Variants in ZFHX4 observed in about 807,000 individuals in gnomAD.
ZFHX4 encodes zinc finger homeobox protein 4.
Under a neutral mutation model 267.6 loss-of-function variants are expected in ZFHX4, and 56 were observed. That is an observed-to-expected ratio of 0.21 (90% confidence interval 0.17 to 0.26). ZFHX4 has a LOEUF of 0.26. ZFHX4 is among the 10% of genes least tolerant of loss of function. ZFHX4 has a pLI of 1.00. For missense variants in ZFHX4, 4,332 were observed against 4,420.0 expected, an observed-to-expected ratio of 0.98 and a Z score of 0.56; for synonymous variants, 1,778 against 1,665.6, an observed-to-expected ratio of 1.07 and a Z score of -1.64.
chr8:76,798,375 A>C (rs1227561268), intron 4 of ZFHX4, among the ~76,000 whole-genome samples: 1 of 152,170 alleles, frequency 6.6e-6, no homozygotes, highest in East Asian at 1.9e-4. Context: ...AATGTATGTA[A>C]ATTAAAAACT....
Position 76,706,210 on chromosome 8 carries a change from A to G in ZFHX4, c.2122A>G (p.Thr708Ala). 6.2e-7 allele frequency: 1 copy of G among 1,613,986 alleles called. No individual in the cohort carries two copies. The highest frequency in any genetic ancestry group is 1.1e-5 in the South Asian group (1 of 91,054). Reference sequence around the variant, plus strand: ...CCGTTGTGAGGTTTGTAACTACTCTACCACTACCAAAGGCAACCTCAGTAT... The same window carrying G: ...CCGTTGTGAGGTTTGTAACTACTCTGCCACTACCAAAGGCAACCTCAGTAT... Reference protein sequence around the residue: ...PFRCEVCNYSTTTKGNLSIHM... With the variant: ...PFRCEVCNYSATTKGNLSIHM... The change falls in exon 2 of 11, where the codon ACC (threonine) becomes GCC (alanine). Residue 708 changes from threonine (T) to alanine (A), a missense_variant. Thr to Ala is a moderately conservative substitution (Grantham distance 58). Transcript: ENST00000651372.
In ZFHX4 at chr8:76,855,330, T is replaced by G; in HGVS notation, c.8409T>G (p.Thr2803=). The change falls in exon 10 of 11, where the codon ACT becomes ACG. Residue 2803 remains threonine (T), a synonymous_variant. Coordinates refer to ENST00000651372, the MANE Select transcript of ZFHX4 (RefSeq NM_024721.5). ...YDQNKTDFDE[T]SSINTAISDA... is the part of the protein sequence containing the mutation. ...AAAATAAAACCGATTTTGATGAGAC[T>G]TCATCGATTAATACGGCAATCAGTG... The G allele has an allele frequency of 6.2e-7, 1 of 1,613,702 alleles. No homozygotes were observed. Among genetic ancestry groups the G allele is most frequent in the Non-Finnish European group, 8.5e-7 (1 of 1,179,830 alleles).
At chr8:76,689,068 T>A (rs1807762018) in intron 1 of ZFHX4, among the ~76,000 whole-genome samples, 1 of 152,088 alleles carries the variant, frequency 6.6e-6, no homozygotes, top group African/African-American at 2.4e-5. Flanking sequence ...GGAGTCCTTT[T>A]TAAAATTTGT....
chr8:76,713,781 G>A (rs1039395306), intron 3 of ZFHX4, among the ~76,000 whole-genome samples: 1 of 152,108 alleles, frequency 6.6e-6, no homozygotes, highest in Non-Finnish European at 1.5e-5. Context: ...GGAACTGCCT[G>A]ATCTGGAGGA....
chr8:76,856,221 A>G lies in ZFHX4; in HGVS notation c.9300A>G (p.Gly3100=). ...HGISLPTAYP[G]LPGLPPVLLP... Reference sequence around the variant, plus strand: ...TCAGCCTGCCAACAGCCTACCCCGGACTCCCCGGCCTTCCTCCAGTCCTTC... The same window carrying G: ...TCAGCCTGCCAACAGCCTACCCCGGGCTCCCCGGCCTTCCTCCAGTCCTTC... The change falls in exon 10 of 11, where the codon GGA becomes GGG. Residue 3100 remains glycine, a synonymous_variant. Transcript: ENST00000651372. The G allele has an allele frequency of 6.2e-7, 1 of 1,613,660 alleles. No individual in the cohort carries two copies. The highest frequency in any genetic ancestry group is 8.5e-7 in the Non-Finnish European group (1 of 1,179,830).
intron 8 of ZFHX4, 81 bp downstream of exon 8, chr8:76,849,793 T>C: frequency 7.2e-7 from 1 of 1,381,022 alleles, no homozygotes; most frequent in Non-Finnish European, 1.0e-6. Flanking sequence ...TATTGGTTTA[T>C]GGAAATGTAT....
At chr8:76,861,893 T>C (rs541293803) in intron 10 of ZFHX4, among the ~76,000 whole-genome samples, 1 of 152,124 alleles carries the variant, frequency 6.6e-6, no homozygotes, top group African/African-American at 2.4e-5. Context: ...TTAAACTTTA[T>C]TCACCTTCTC....
At chr8:76,779,912 C>A (rs889903046) in intron 4 of ZFHX4, among the ~76,000 whole-genome samples, 1 of 152,054 alleles carries the variant, frequency 6.6e-6, no homozygotes, top group African/African-American at 2.4e-5. Flanking sequence ...AGCATAAAAA[C>A]CTTGGTCTTA....
intron 4 of ZFHX4, among the ~76,000 whole-genome samples, chr8:76,820,482 GTGA>G (rs1363942376): frequency 6.6e-6 from 1 of 152,116 alleles, no homozygotes; most frequent in Non-Finnish European, 1.5e-5. Flanking sequence ...TTTTACACTA[GTGA>G]TGATTATGAC....
At position 76,849,572 on chromosome 8, in the gene ZFHX4, G is replaced by T; in HGVS notation, c.3706G>T (p.Val1236Phe). 6.2e-7 allele frequency: 1 copy of T among 1,613,920 alleles called. No homozygotes were observed. The highest frequency in any genetic ancestry group is 8.5e-7 in the Non-Finnish European group (1 of 1,179,858). Residue 1236 changes from valine (V) to phenylalanine (F), a missense_variant, in exon 8 of 11, where the codon GTC becomes TTC. Around this residue, in one of 7 missense-constraint regions of ZFHX4, gnomAD observed 1,371 missense variants for 1,423.1 expected, o/e 0.96. Transcript: ENST00000651372. ...GGACCAAAGTCGTATCCAGATGCAC[G>T]TCCTATCACAGCACTCGGTGCAGCC... The part of the protein sequence containing the change: ...SRDQSRIQMH[V>F]LSQHSVQPVI...
At chr8:76,717,623 G>A (rs569389473) in intron 3 of ZFHX4, among the ~76,000 whole-genome samples, 2 of 152,136 alleles carry the variant, frequency 1.3e-5, no homozygotes, top group African/African-American at 4.8e-5. Flanking sequence ...TTGAGATAGG[G>A]TCTTGCTCTG....
chr8:76,772,934 C>T (rs1810305546), intron 3 of ZFHX4, among the ~76,000 whole-genome samples: 1 of 152,088 alleles, frequency 6.6e-6, no homozygotes, highest in Non-Finnish European at 1.5e-5. Flanking sequence ...AAAGTGGTAC[C>T]CAGAGGTGCC....
chr8:76,838,544 G>A (rs1438350695), intron 5 of ZFHX4, among the ~76,000 whole-genome samples: 3 of 152,102 alleles, frequency 2.0e-5, no homozygotes, highest in Non-Finnish European at 2.9e-5. Context: ...TTTGAGTGGG[G>A]CATGATTGGG....
intron 4 of ZFHX4, among the ~76,000 whole-genome samples, chr8:76,788,836 T>G (rs948786556): frequency 3.3e-5 from 5 of 152,244 alleles, no homozygotes; most frequent in Non-Finnish European, 5.9e-5. Context: ...TGGGCCATAC[T>G]AAGTAAATTG....
At chr8:76,724,823 C>T (rs1808810811) in intron 3 of ZFHX4, among the ~76,000 whole-genome samples, 1 of 152,118 alleles carries the variant, frequency 6.6e-6, no homozygotes, top group Admixed American at 6.6e-5. Context: ...GGAGAGCCAA[C>T]TTCCACAGGC....
At chr8:76,801,494 A>G (rs1420161145) in intron 4 of ZFHX4, among the ~76,000 whole-genome samples, 1 of 152,142 alleles carries the variant, frequency 6.6e-6, no homozygotes, top group African/African-American at 2.4e-5. Context: ...TCAGTTTATG[A>G]CATCTAATAA....
In ZFHX4 at chr8:76,852,635, G is replaced by C; in HGVS notation, c.5714G>C (p.Arg1905Thr). Residue 1905 changes from arginine to threonine, a missense_variant, in exon 10 of 11, where the codon AGA becomes ACA. Arg to Thr is a moderately conservative substitution (Grantham distance 71, BLOSUM62 -1). Around this residue, in one of 7 missense-constraint regions of ZFHX4, gnomAD observed 1,371 missense variants for 1,423.1 expected, o/e 0.96. Transcript: ENST00000651372. ...IPPPRIASGA[R>T]GNAAKALLEN... Reference sequence around the variant, plus strand: ...CCACCCCGAATAGCTTCAGGGGCCAGAGGAAATGCTGCCAAAGCGTTATTG... The same window carrying C: ...CCACCCCGAATAGCTTCAGGGGCCACAGGAAATGCTGCCAAAGCGTTATTG... 7 of 1,613,250 alleles carry C rather than the reference G, an allele frequency of 4.3e-6. No individual in the cohort carries two copies. Among genetic ancestry groups the C allele is most frequent in the Non-Finnish European group, 5.9e-6 (7 of 1,179,492 alleles).
In ZFHX4 at chr8:76,751,717, A is replaced by G. The variant is rs183102519; in HGVS notation, c.3094-26491A>G. On this transcript the variant is annotated intron_variant, in intron 3 of 10. Coordinates refer to ENST00000651372, the MANE Select transcript of ZFHX4 (RefSeq NM_024721.5). ...GCCAGAAATTCATGTTTTTATTTGTAATATGATCTCACTCTCTACATACAT... is the reference window on the plus strand; with the variant it reads ...GCCAGAAATTCATGTTTTTATTTGTGATATGATCTCACTCTCTACATACAT... 2.6e-4 allele frequency among the ~76,000 whole-genome samples: 40 copies of G among 152,310 alleles called. No individual in the cohort carries two copies. In the East Asian group the frequency reaches 7.3e-3, roughly 28 times the overall value.
chr8:76,825,725 C>T (rs935591046), intron 4 of ZFHX4, among the ~76,000 whole-genome samples: 95 of 151,958 alleles, frequency 6.3e-4, no homozygotes, highest in African/African-American at 2.0e-3. Context: ...TAACTCATTG[C>T]GATGAAAATA....
Sources: allele counts gnomAD v4.1 joint callset (sites outside exome capture counted in the v4.1 genomes callset), GRCh38; gene constraint gnomAD v4.1.1; regional missense constraint gnomAD v4.1.1; transcripts MANE v1.5; gene names NCBI Gene and HGNC (gene_info 2026-07-23, HGNC 2026-07-21).